The following CADM2 variants were observed in gnomAD, a reference collection of about 807,000 sequenced individuals.
The protein encoded by CADM2 is cell adhesion molecule 2.
Under a neutral mutation model 49.8 loss-of-function variants are expected in CADM2, and 12 were observed. The ratio of observed to expected loss-of-function variants is 0.24; its 90% CI spans 0.15 to 0.39. CADM2 has a LOEUF of 0.39. CADM2 is among the 10% of genes least tolerant of loss of function. The probability of loss-of-function intolerance (pLI) is 1.00; values close to 1 mark genes in which losing one functional copy is unlikely to be tolerated. For synonymous variants in CADM2, 214 were observed against 175.4 expected, an observed-to-expected ratio of 1.22 and a Z score of -1.74; for missense variants, 378 against 492.3, an observed-to-expected ratio of 0.77 and a Z score of 2.20.
At chr3:85,603,829 C>A (rs770743015) in intron 1 of CADM2, among the ~76,000 whole-genome samples, 10 of 151,920 alleles carry the variant, frequency 6.6e-5, no homozygotes, top group Non-Finnish European at 1.5e-4. Context: ...ACTTTCTTCT[C>A]ATCAAGAAAA....
At chr3:85,692,455 G>A (rs935565007) in intron 1 of CADM2, among the ~76,000 whole-genome samples, 1 of 152,134 alleles carries the variant, frequency 6.6e-6, no homozygotes, top group African/African-American at 2.4e-5. Context: ...AAGAAAGAAA[G>A]TCATGTAGCT....
At chr3:85,957,466 A>C (rs1026176417) in intron 7 of CADM2, among the ~76,000 whole-genome samples, 1 of 151,856 alleles carries the variant, frequency 6.6e-6, no homozygotes, top group South Asian at 2.1e-4. Flanking sequence ...GAAAAAAACA[A>C]ACTGTTTACT....
chr3:85,496,258 C>T (rs1445522076), intron 1 of CADM2, among the ~76,000 whole-genome samples: 1 of 152,062 alleles, frequency 6.6e-6, no homozygotes, highest in African/African-American at 2.4e-5. Flanking sequence ...ATCTGTGTGA[C>T]CCTAAGATTT....
intron 1 of CADM2, among the ~76,000 whole-genome samples, chr3:85,416,914 T>C (rs1186809308): frequency 6.6e-6 from 1 of 152,156 alleles, no homozygotes; most frequent in African/African-American, 2.4e-5. Flanking sequence ...TTAATGAGAA[T>C]AGTAAAAAAT....
At chr3:85,536,959 A>T (rs2061433336) in intron 1 of CADM2, among the ~76,000 whole-genome samples, 1 of 152,032 alleles carries the variant, frequency 6.6e-6, no homozygotes. Flanking sequence ...TGGCAAAAAA[A>T]AATAGGATTT....
intron 1 of CADM2, among the ~76,000 whole-genome samples, chr3:85,691,576 A>G (rs1036165110): frequency 6.6e-6 from 1 of 152,152 alleles, no homozygotes; most frequent in Non-Finnish European, 1.5e-5. Flanking sequence ...GCCATTCCTC[A>G]GGGATCTAGA....
intron 1 of CADM2, among the ~76,000 whole-genome samples, chr3:84,988,659 A>G (rs73137679): frequency 0.047 from 7,198 of 151,752 alleles, 216 homozygotes; most frequent in Admixed American, 0.09. Flanking sequence ...CTATTTATTG[A>G]CTCATTGTTT....
chr3:84,998,807 A>G (rs1353041877), intron 1 of CADM2, among the ~76,000 whole-genome samples: 1 of 152,312 alleles, frequency 6.6e-6, no homozygotes, highest in East Asian at 1.9e-4. Flanking sequence ...TTTGGCACCA[A>G]TAAATAACCA....
intron 8 of CADM2, among the ~76,000 whole-genome samples, chr3:85,996,278 T>A (rs1729401526): frequency 6.8e-6 from 1 of 147,796 alleles, no homozygotes; most frequent in Non-Finnish European, 1.5e-5. Flanking sequence ...AAAGCTTCCA[T>A]TTTTTCATTT....
At chr3:85,657,757 C>CACATATATATATATATAT (rs2065254445) in intron 1 of CADM2, among the ~76,000 whole-genome samples, 1 of 97,264 alleles carries the variant, frequency 1.0e-5, no homozygotes, top group South Asian at 3.5e-4. Context: ...TATATATATA[C>CACATATATATATATATAT]ACAGATATAT....
intron 1 of CADM2, among the ~76,000 whole-genome samples, chr3:85,215,214 G>T (rs1399393506): frequency 6.6e-6 from 1 of 151,836 alleles, no homozygotes; most frequent in African/African-American, 2.4e-5. Flanking sequence ...CTTCAAGGCA[G>T]TGGGCTCTCT....
At chr3:85,119,515 T>G (rs1445117743) in intron 1 of CADM2, among the ~76,000 whole-genome samples, 1 of 152,030 alleles carries the variant, frequency 6.6e-6, no homozygotes, top group East Asian at 1.9e-4. Flanking sequence ...TTAAAGTAGT[T>G]TTTTTTTCTA....
intron 8 of CADM2, chr3:85,979,359 A>T: frequency 6.7e-7 from 1 of 1,495,554 alleles, no homozygotes; most frequent in Non-Finnish European, 9.1e-7. Context: ...AAAGGTTAAA[A>T]ACATTGAGAT....
At chr3:85,361,560 A>C (rs564246586) in intron 1 of CADM2, among the ~76,000 whole-genome samples, 2 of 152,202 alleles carry the variant, frequency 1.3e-5, no homozygotes, top group South Asian at 4.1e-4. Context: ...CTCCCAAATT[A>C]AGTGGTTCAA....
In CADM2 at chr3:85,660,897, A is replaced by C. The variant is rs549944138; in HGVS notation, c.62-65625A>C. Among the ~76,000 whole-genome samples, 1,132 of 149,926 alleles carry C rather than the reference A, an allele frequency of 7.6e-3. 7 individuals are homozygous for C. The highest frequency in any genetic ancestry group is 0.012 in the Non-Finnish European group (797 of 67,154). ...TGACTTCTAGTCCTTCGATTATTAT[A>C]AACTATAATCAAACTAAAAAAAAAA... On this transcript the variant is annotated intron_variant, in intron 1 of 9. Coordinates refer to ENST00000383699, the MANE Select transcript of CADM2 (RefSeq NM_001167675.2).
chr3:85,417,942 G>A (rs2035986674), intron 1 of CADM2, among the ~76,000 whole-genome samples: 2 of 152,110 alleles, frequency 1.3e-5, no homozygotes, highest in Non-Finnish European at 2.9e-5. Context: ...GGAAGTATAA[G>A]TATCAATGTT....
chr3:85,107,584 C>CTTTTCTTTCTTTCTTTCTCTTTCT (rs2038282867), intron 1 of CADM2, among the ~76,000 whole-genome samples: 1 of 66,114 alleles, frequency 1.5e-5, no homozygotes, highest in East Asian at 2.1e-4. Flanking sequence ...CTCTTTCTTT[C>CTTTTCTTTCTTTCTTTCTCTTTCT]TTTTCTTTCT....
intron 8 of CADM2, among the ~76,000 whole-genome samples, chr3:86,033,672 T>C (rs187899724): frequency 0.055 from 3,997 of 72,970 alleles, 166 homozygotes; most frequent in African/African-American, 0.11. Flanking sequence ...TATATATATG[T>C]ATATATATAT....
At chr3:86,035,961 CAG>C (rs1735101378) in intron 8 of CADM2, among the ~76,000 whole-genome samples, 1 of 152,078 alleles carries the variant, frequency 6.6e-6, no homozygotes, top group Admixed American at 6.6e-5. Flanking sequence ...TCTCGCATGA[CAG>C]AGGGAGAAAA....
Sources: gnomAD v4.1 joint callset for allele counts (sites outside exome capture counted in the v4.1 genomes callset) on GRCh38, gnomAD v4.1.1 for gene constraint, MANE v1.5 for transcripts, NCBI Gene and HGNC (gene_info 2026-07-23, HGNC 2026-07-21) for gene names.